The following VRK3 variants were observed in gnomAD, a reference collection of about 807,000 sequenced individuals.
VRK3 encodes the protein VRK serine/threonine kinase 3, also known as serine/threonine-protein kinase VRK3.
Under a neutral mutation model 60.4 loss-of-function variants are expected in VRK3, and 50 were observed. The ratio of observed to expected loss-of-function variants is 0.83; its 90% CI spans 0.66 to 1.05. VRK3 has a LOEUF of 1.05. Among genes scored for constraint, VRK3 ranks in the 50% least tolerant of loss-of-function variants. The probability of loss-of-function intolerance (pLI) is 0.00; values close to 1 mark genes in which losing one functional copy is unlikely to be tolerated. For missense variants in VRK3, 549 were observed against 585.3 expected, an observed-to-expected ratio of 0.94 and a Z score of 0.64; for synonymous variants, 246 against 227.8, an observed-to-expected ratio of 1.08 and a Z score of -0.72.
intron 13 of VRK3, among the ~76,000 whole-genome samples, 196 bp downstream of exon 13, chr19:49,980,757 TTG>T (rs752117821): frequency 7.3e-5 from 11 of 150,260 alleles, no homozygotes; most frequent in Non-Finnish European, 7.4e-5. Flanking sequence ...CAAAAAAAAG[TTG>T]TGTTTTTGTT....
chr19:49,995,071 T>C lies in VRK3; in HGVS notation c.764+120A>G, dbSNP rs9304696. 0.011 allele frequency: 14,132 copies of C among 1,300,024 alleles called. 1,208 individuals carry two copies. In the African/African-American group the frequency reaches 0.18, roughly 17 times the overall value. 80.5% of individuals were successfully genotyped at this position (1,300,024 alleles called of 1,614,324 possible). A position where few individuals can be genotyped will look rare whatever the true frequency, so the allele number is the denominator to read the frequency against. ...GCTGGGCAGCAAACTAGGTCAAAAC[T>C]ACGAGAAGGCAGGAAGCAAAGACCT... On this transcript the variant is annotated intron_variant, in intron 8 of 14. Transcript: ENST00000316763.
chr19:49,979,035 G>T, intron 14 of VRK3, 48 bp downstream of exon 14: 1 of 1,533,620 alleles, frequency 6.5e-7, no homozygotes, highest in Non-Finnish European at 8.8e-7. Flanking sequence ...GGCAGGGCTC[G>T]GGTGAGGGCA....
At chr19:50,016,685 T>C (rs2077084212) in intron 2 of VRK3, among the ~76,000 whole-genome samples, 1 of 152,232 alleles carries the variant, frequency 6.6e-6, no homozygotes, top group South Asian at 2.1e-4. Flanking sequence ...ATGATGAGTG[T>C]TCACTAAATT....
At position 50,015,654 on chromosome 19, in the gene VRK3, G is replaced by T. The variant is rs371623697; in HGVS notation, c.139+370C>A. 37 of 212,474 alleles carry T rather than the reference G, an allele frequency of 1.7e-4. No individual in the cohort carries two copies. The South Asian group carries it at 1.9e-3, about 11-fold the overall frequency. The allele number at this position is 212,474 out of a possible 1,614,324, so 13.2% of individuals were successfully genotyped here. On this transcript the variant is annotated intron_variant, in intron 3 of 14. Coordinates refer to ENST00000316763, the MANE Select transcript of VRK3 (RefSeq NM_016440.4). ...AGGATGCTCAACCAGTAAGTATAAT[G>T]CAAATATCCCAAAATCTGAAAAAAT...
intron 14 of VRK3, among the ~76,000 whole-genome samples, chr19:49,977,284 G>A (rs140692861): frequency 1.5e-3 from 226 of 152,294 alleles, no homozygotes; most frequent in Middle Eastern, 6.8e-3. Context: ...AGGAGCTGCT[G>A]TGGAGCACAG....
chr19:49,991,172 C>G (rs895021011), intron 10 of VRK3, among the ~76,000 whole-genome samples: 3 of 152,242 alleles, frequency 2.0e-5, no homozygotes, highest in African/African-American at 4.8e-5. Flanking sequence ...CTGGGAGTGT[C>G]TATGAGGGTG....
In VRK3 at chr19:50,000,822, C is replaced by T. The variant is rs2076791317; in HGVS notation, c.580G>A (p.Gly194Arg). Residue 194 changes from glycine to arginine, a missense_variant, in exon 6 of 15, where the codon GGA (glycine) becomes AGA (arginine). Coordinates refer to ENST00000316763, the MANE Select transcript of VRK3 (RefSeq NM_016440.4). ...APTSTLTCDS[G>R]PQKQKFSLKL... Reference sequence around the variant, plus strand: ...AGTGAGAACTTTTGCTTCTGTGGTCCTGAGTCACAGGTGAGGGTGGAGGTG... The same window carrying T: ...AGTGAGAACTTTTGCTTCTGTGGTCTTGAGTCACAGGTGAGGGTGGAGGTG... 6.2e-7 allele frequency: 1 copy of T among 1,613,960 alleles called. No homozygotes were observed. The highest frequency in any genetic ancestry group is 1.3e-5 in the African/African-American group (1 of 75,038).
chr19:49,985,921 T>C (rs1324804502), intron 12 of VRK3, among the ~76,000 whole-genome samples: 1 of 152,190 alleles, frequency 6.6e-6, no homozygotes, highest in African/African-American at 2.4e-5. Flanking sequence ...TTAGTAGCTG[T>C]GTGGCCTGGA....
At chr19:50,024,297 C>T (rs2077225859) in intron 1 of VRK3, among the ~76,000 whole-genome samples, 4 of 152,144 alleles carry the variant, frequency 2.6e-5, no homozygotes, top group Admixed American at 2.6e-4. Flanking sequence ...CCAGGGGCAA[C>T]TCTCCATAAG....
chr19:50,009,517 C>T lies in VRK3; in HGVS notation c.140-132G>A, dbSNP rs539782802. 5.8e-6 allele frequency: 6 copies of T among 1,040,164 alleles called. No homozygotes were observed. In the African/African-American group the frequency reaches 9.7e-5, roughly 17 times the overall value. 64.4% of individuals were successfully genotyped at this position (1,040,164 alleles called of 1,614,324 possible). A position where few individuals can be genotyped will look rare whatever the true frequency, so the allele number is the denominator to read the frequency against. ...CCCTCAACACCAATTCTTGCTTCTT[C>T]TATTATGTAAATATATGAGCAAACT... On this transcript the variant is annotated intron_variant, in intron 3 of 14. Coordinates refer to ENST00000316763, the MANE Select transcript of VRK3 (RefSeq NM_016440.4).
intron 7 of VRK3, among the ~76,000 whole-genome samples, chr19:49,996,688 C>T (rs888561857): frequency 3.9e-5 from 6 of 152,192 alleles, no homozygotes; most frequent in Non-Finnish European, 7.3e-5. Flanking sequence ...ATGATCTCGG[C>T]TCACTGCAAC....
chr19:50,019,319 C>G (rs2077129115), intron 2 of VRK3: 1 of 151,754 alleles, frequency 6.6e-6, no homozygotes, highest in Admixed American at 6.6e-5. Context: ...TCTCCTGCCT[C>G]AGTCTCCCGA....
chr19:49,987,005 A>G (rs547693584), intron 12 of VRK3: 1 of 152,366 alleles, frequency 6.6e-6, no homozygotes, highest in East Asian at 1.9e-4. Context: ...TTCCTGCCTC[A>G]GCAGGGATTA....
chr19:50,018,303 T>G lies in VRK3; in HGVS notation c.-1-2140A>C, dbSNP rs77195895. ...CATGCCTTGTACCCAAGTTACTATA[T>G]TCCAGTCATTAATATTTCTATTCTT... On this transcript the variant is annotated intron_variant, in intron 2 of 14. Transcript: ENST00000316763. Among the ~76,000 whole-genome samples the G allele has an allele frequency of 4.5e-3, 687 of 152,374 alleles. 13 individuals carry two copies. The highest frequency in any genetic ancestry group is 2.1e-3 in the Non-Finnish European group (141 of 68,044).
At chr19:50,021,895 G>A (rs2077176538) in intron 1 of VRK3, among the ~76,000 whole-genome samples, 1 of 152,232 alleles carries the variant, frequency 6.6e-6, no homozygotes, top group South Asian at 2.1e-4. Context: ...CCTTTTCAAG[G>A]TAAGAATGAT....
chr19:50,005,019 T>C (rs1046770491), intron 5 of VRK3, among the ~76,000 whole-genome samples: 2 of 148,682 alleles, frequency 1.3e-5, no homozygotes, highest in Non-Finnish European at 1.5e-5. Context: ...CTCCCTCACC[T>C]TTCCTGGCCC....
intron 12 of VRK3, chr19:49,981,984 C>A: frequency 3.1e-6 from 2 of 640,170 alleles, no homozygotes; most frequent in Admixed American, 2.5e-5. Context: ...AATGTGGGGG[C>A]CAGCGGGGCC....
chr19:49,984,954 T>C (rs1332851366), intron 12 of VRK3, among the ~76,000 whole-genome samples: 1 of 152,196 alleles, frequency 6.6e-6, no homozygotes, highest in Non-Finnish European at 1.5e-5. Flanking sequence ...CCACAATGTG[T>C]GCTCTCTGTT....
At chr19:50,002,743 G>A (rs1362505807) in intron 5 of VRK3, among the ~76,000 whole-genome samples, 1 of 152,184 alleles carries the variant, frequency 6.6e-6, no homozygotes, top group Non-Finnish European at 1.5e-5. Context: ...AAGGGCCCCA[G>A]CAGAGACAGG....
Sources: allele counts gnomAD v4.1 joint callset (sites outside exome capture counted in the v4.1 genomes callset), GRCh38; gene constraint gnomAD v4.1.1; transcripts MANE v1.5; gene names NCBI Gene and HGNC (gene_info 2026-07-23, HGNC 2026-07-21).